The following PARD3B variants were observed in gnomAD, a reference collection of about 807,000 sequenced individuals.
PARD3B encodes par-3 family cell polarity regulator beta.
PARD3B carries 103 observed loss-of-function variants against 130.2 expected under a neutral mutation model. That is an observed-to-expected ratio of 0.79 (90% confidence interval 0.67 to 0.93). The LOEUF (loss-of-function observed/expected upper bound fraction) is 0.93. Among genes scored for constraint, PARD3B ranks in the 40% least tolerant of loss-of-function variants. PARD3B has a pLI of 0.00. For missense variants in PARD3B, 1,609 were observed against 1,499.2 expected, an observed-to-expected ratio of 1.07 and a Z score of -1.21; for synonymous variants, 583 against 553.2, an observed-to-expected ratio of 1.05 and a Z score of -0.76.
intron 18 of PARD3B, among the ~76,000 whole-genome samples, chr2:205,380,877 A>AT (rs1559034661): frequency 1.1e-5 from 1 of 92,784 alleles, no homozygotes; most frequent in African/African-American, 4.7e-5. Context: ...TATAAAGAAT[A>AT]CATTATAATA....
intron 2 of PARD3B, among the ~76,000 whole-genome samples, chr2:204,728,351 G>A (rs576009625): frequency 1.7e-4 from 26 of 152,246 alleles, no homozygotes; most frequent in African/African-American, 6.3e-4. Context: ...GAAGACAAGG[G>A]CTTCAGGATG....
intron 4 of PARD3B, among the ~76,000 whole-genome samples, chr2:205,101,069 C>T (rs112859962): frequency 7.9e-5 from 12 of 152,162 alleles, no homozygotes; most frequent in African/African-American, 2.9e-4. Flanking sequence ...AACAGGAAAA[C>T]ATATTTGTAA....
chr2:205,504,805 G>A (rs1469092197), intron 21 of PARD3B, among the ~76,000 whole-genome samples: 1 of 152,228 alleles, frequency 6.6e-6, no homozygotes, highest in African/African-American at 2.4e-5. Flanking sequence ...CTGTAAACCA[G>A]TTCAAGCATT....
chr2:205,231,004 G>GGGGAGTGGAGGACGT (rs1405333841), intron 15 of PARD3B, among the ~76,000 whole-genome samples: 1 of 152,146 alleles, frequency 6.6e-6, no homozygotes, highest in East Asian at 1.9e-4. Context: ...GTCTTCTTCA[G>GGGGAGTGGAGGACGT]GGGAGTGGAG....
chr2:204,830,057 T>G (rs1029971856), intron 2 of PARD3B, among the ~76,000 whole-genome samples: 7 of 149,326 alleles, frequency 4.7e-5, no homozygotes, highest in Non-Finnish European at 8.9e-5. Context: ...GTGCTCTCTC[T>G]CCTGCCACCA....
intron 15 of PARD3B, among the ~76,000 whole-genome samples, chr2:205,237,213 C>A (rs2039103550): frequency 6.6e-6 from 1 of 152,106 alleles, no homozygotes; most frequent in African/African-American, 2.4e-5. Flanking sequence ...AATTCTCCTG[C>A]CTTAGCCTCC....
intron 1 of PARD3B, among the ~76,000 whole-genome samples, chr2:204,598,872 T>C (rs2033399876): frequency 2.0e-5 from 3 of 152,012 alleles, no homozygotes; most frequent in Admixed American, 6.6e-5. Context: ...CTAGAGAACT[T>C]GGTAAGAGAT....
intron 21 of PARD3B, among the ~76,000 whole-genome samples, chr2:205,543,303 CTT>C (rs1263873968): frequency 1.3e-5 from 2 of 152,084 alleles, no homozygotes; most frequent in Non-Finnish European, 2.9e-5. Flanking sequence ...TTAGGAAACA[CTT>C]TTGCTATACC....
intron 15 of PARD3B, among the ~76,000 whole-genome samples, chr2:205,199,331 G>A (rs2036861214): frequency 6.6e-6 from 1 of 152,120 alleles, no homozygotes; most frequent in Non-Finnish European, 1.5e-5. Context: ...GAGGAAGAAA[G>A]GGAAGAGGCA....
In PARD3B at chr2:204,977,811, CAAAAAAAAAAAAAA is replaced by C. The variant is rs35974349; in HGVS notation, c.394+12498_394+12511del. Among the ~76,000 whole-genome samples, 512 of 59,058 alleles carry C rather than the reference CAAAAAAAAAAAAAA, an allele frequency of 8.7e-3. 4 individuals carry two copies. The highest frequency in any genetic ancestry group is 0.021 in the Admixed American group (99 of 4,654). 38.7% of individuals were successfully genotyped at this position (59,058 alleles called of 152,430 possible). A position where few individuals can be genotyped will look rare whatever the true frequency, so the allele number is the denominator to read the frequency against. On this transcript the variant is annotated intron_variant, in intron 3 of 22. Transcript: ENST00000406610. ...TGGGTGACAGAGCGAGACTCCGGCT[CAAAAAAAAAAAAAA>C]AAAAAAAAAGAATAGGGAGCCTTTA...
chr2:204,944,119 A>G (rs1413535881), intron 2 of PARD3B, among the ~76,000 whole-genome samples: 1 of 152,236 alleles, frequency 6.6e-6, no homozygotes, highest in East Asian at 1.9e-4. Context: ...CAAATTCAAA[A>G]TGAAGTACCA....
chr2:205,270,985 A>G (rs912830107), intron 16 of PARD3B, among the ~76,000 whole-genome samples: 2 of 152,160 alleles, frequency 1.3e-5, no homozygotes, highest in African/African-American at 4.8e-5. Context: ...CAAAAAAGGA[A>G]AAAGGTGTCT....
intron 2 of PARD3B, among the ~76,000 whole-genome samples, chr2:204,875,990 T>C (rs2045827343): frequency 1.3e-5 from 2 of 152,290 alleles, no homozygotes; most frequent in South Asian, 4.1e-4. Flanking sequence ...GATCCACTCC[T>C]TCACTGGCTT....
chr2:205,020,637 T>C (rs1465775903), intron 3 of PARD3B, among the ~76,000 whole-genome samples: 2 of 152,168 alleles, frequency 1.3e-5, no homozygotes, highest in Non-Finnish European at 2.9e-5. Context: ...TATAACATTT[T>C]GTTCAATCTG....
intron 2 of PARD3B, among the ~76,000 whole-genome samples, chr2:204,697,778 A>G (rs2037685899): frequency 6.6e-6 from 1 of 152,052 alleles, no homozygotes; most frequent in South Asian, 2.1e-4. Flanking sequence ...GGTTCAGTGC[A>G]TGTGACTACT....
chr2:205,049,211 G>A (rs1459329265), intron 4 of PARD3B, among the ~76,000 whole-genome samples: 1 of 152,144 alleles, frequency 6.6e-6, no homozygotes, highest in African/African-American at 2.4e-5. Flanking sequence ...CTGAGACTGG[G>A]TAATTTATAA....
intron 2 of PARD3B, among the ~76,000 whole-genome samples, chr2:204,823,796 C>T (rs1011062916): frequency 6.6e-6 from 1 of 151,958 alleles, no homozygotes; most frequent in African/African-American, 2.4e-5. Flanking sequence ...AAAAATTATT[C>T]AGGCATGGTG....
At position 205,172,283 on chromosome 2, in the gene PARD3B, G is replaced by A. The variant is rs755830374; in HGVS notation, c.1693G>A (p.Glu565Lys). The A allele has an allele frequency of 1.9e-5, 30 of 1,614,050 alleles. No homozygotes were observed. In the East Asian group the frequency reaches 3.1e-4, roughly 17 times the overall value. Residue 565 changes from glutamate (E) to lysine (K), a missense_variant, in exon 12 of 23, where the codon GAA becomes AAA. Transcript: ENST00000406610. ...ATCTCTTTTGGGAAAGTCCAACCAC[G>A]AAGCTATGGAAACACTTAGGCGGTC... ...GESLLGKSNH[E>K]AMETLRRSMS... is the part of the protein sequence containing the mutation.
intron 3 of PARD3B, among the ~76,000 whole-genome samples, chr2:204,999,260 C>T (rs1342638533): frequency 6.6e-6 from 1 of 151,994 alleles, no homozygotes; most frequent in Non-Finnish European, 1.5e-5. Context: ...TACCTCATTG[C>T]TACAAAAGCA....
Sources: allele counts gnomAD v4.1 joint callset (sites outside exome capture counted in the v4.1 genomes callset), GRCh38; gene constraint gnomAD v4.1.1; transcripts MANE v1.5; gene names NCBI Gene and HGNC (gene_info 2026-07-23, HGNC 2026-07-21).